The following SLC37A1 variants were observed in gnomAD, a reference collection of about 807,000 sequenced individuals.
SLC37A1 encodes solute carrier family 37 member 1.
Under a neutral mutation model 75.3 loss-of-function variants are expected in SLC37A1, and 49 were observed. The observed-to-expected ratio is 0.65, with a 90% CI of 0.52 to 0.83. The LOEUF (loss-of-function observed/expected upper bound fraction) is 0.83. Among genes scored for constraint, SLC37A1 ranks in the 40% least tolerant of loss-of-function variants. The probability of loss-of-function intolerance (pLI) is 0.00; values close to 1 mark genes in which losing one functional copy is unlikely to be tolerated. For synonymous variants in SLC37A1, 268 were observed against 292.1 expected (o/e 0.92, Z 0.84); for missense variants, 566 against 695.0 (o/e 0.81, Z 2.09).
At chr21:42,522,882 G>A (rs1444671856) in intron 2 of SLC37A1, among the ~76,000 whole-genome samples, 1 of 152,232 alleles carries the variant, frequency 6.6e-6, no homozygotes, top group Non-Finnish European at 1.5e-5. Flanking sequence ...GTGTTCTCAG[G>A]GCATCTCTAG....
At chr21:42,550,612 G>A (rs772494781) in intron 9 of SLC37A1, among the ~76,000 whole-genome samples, 33 of 147,668 alleles carry the variant, frequency 2.2e-4, no homozygotes, top group East Asian at 7.7e-4. Context: ...AGGTGTTATC[G>A]TAATAACAAA....
At chr21:42,529,820 G>T (rs2054899715) in intron 3 of SLC37A1, among the ~76,000 whole-genome samples, 1 of 152,158 alleles carries the variant, frequency 6.6e-6, no homozygotes, top group African/African-American at 2.4e-5. Flanking sequence ...ATTGCCCAGG[G>T]CAGTAAGCGC....
At chr21:42,565,178 C>G (rs982505054) in intron 14 of SLC37A1, among the ~76,000 whole-genome samples, 1 of 152,268 alleles carries the variant, frequency 6.6e-6, no homozygotes, top group African/African-American at 2.4e-5. Flanking sequence ...AGCTCCTGAC[C>G]TTGGGCTGTG....
chr21:42,519,257 C>T (rs1397268128), intron 2 of SLC37A1, among the ~76,000 whole-genome samples: 1 of 152,158 alleles, frequency 6.6e-6, no homozygotes, highest in African/African-American at 2.4e-5. Flanking sequence ...GAATTCTGGG[C>T]TTATGCACCG....
chr21:42,522,618 G>A (rs553026054), intron 2 of SLC37A1, among the ~76,000 whole-genome samples: 1 of 152,288 alleles, frequency 6.6e-6, no homozygotes, highest in South Asian at 2.1e-4. Flanking sequence ...GAGGAAAGAC[G>A]AATTTGGAAA....
In SLC37A1 at chr21:42,570,082, G is replaced by A. The variant is rs1474626546; in HGVS notation, c.1423+1644G>A. 3.8e-5 allele frequency among the ~76,000 whole-genome samples: 4 copies of A among 105,048 alleles called. No homozygotes were observed. The South Asian group carries it at 1.1e-3, about 28-fold the overall frequency. 68.9% of individuals were successfully genotyped at this position (105,048 alleles called of 152,430 possible). ...CAGGGTGGCCGTTGCCATGTCATGC[G>A]ACACACGGCCTGGTTCTGAGAAGTG... On this transcript the variant is annotated intron_variant, in intron 17 of 19. Transcript: ENST00000352133.
chr21:42,533,506 G>A (rs185121545), intron 3 of SLC37A1, among the ~76,000 whole-genome samples: 3 of 152,056 alleles, frequency 2.0e-5, no homozygotes, highest in East Asian at 1.9e-4. Context: ...CACATGTGGC[G>A]CTGTCCTGGA....
chr21:42,534,634 C>A, intron 3 of SLC37A1, 64 bp from the exon 4 acceptor site: 1 of 1,556,130 alleles, frequency 6.4e-7, no homozygotes, highest in Non-Finnish European at 8.7e-7. Context: ...CCTCTCTGTG[C>A]CCCATGCTGA....
intron 18 of SLC37A1, among the ~76,000 whole-genome samples, chr21:42,578,856 G>C (rs1287345628): frequency 1.3e-5 from 2 of 152,154 alleles, no homozygotes; most frequent in African/African-American, 2.4e-5. Flanking sequence ...GAGGCTTGGT[G>C]GTGGGGCCAT....
intron 1 of SLC37A1, chr21:42,499,867 C>G (rs8129819): frequency 0.47 from 71,771 of 152,398 alleles, 18,477 homozygotes; most frequent in African/African-American, 0.68. Context: ...TCTGCAGGGG[C>G]GCTGGTCAGG....
intron 10 of SLC37A1, among the ~76,000 whole-genome samples, chr21:42,555,757 G>T (rs1422633280): frequency 6.6e-6 from 1 of 152,110 alleles, no homozygotes; most frequent in African/African-American, 2.4e-5. Context: ...TTCCTTTTCC[G>T]GCCCTCTAAG....
rs1601671917 is a variant in SLC37A1 at position 42,523,305 on chromosome 21, G to A, written c.57-2471G>A. 2.0e-5 allele frequency among the ~76,000 whole-genome samples: 3 copies of A among 152,220 alleles called. No homozygotes were observed. The East Asian group carries it at 5.8e-4, about 29-fold the overall frequency. ...TGAGGAGATTGGAGAAGGAAACCCTGTACTCCAGTGAGGGCCGATCAGGGT... is the reference window on the plus strand; with the variant it reads ...TGAGGAGATTGGAGAAGGAAACCCTATACTCCAGTGAGGGCCGATCAGGGT... On this transcript the variant is annotated intron_variant, in intron 2 of 19. Transcript: ENST00000352133.
At chr21:42,540,411 A>G (rs228070) in intron 6 of SLC37A1, among the ~76,000 whole-genome samples, 90,067 of 151,978 alleles carry the variant, frequency 0.59, 27,283 homozygotes, top group Admixed American at 0.7. Flanking sequence ...TGGTTGGGTC[A>G]CAGTGAGAGG....
In SLC37A1 at chr21:42,547,051, G is replaced by T. The variant is rs746490687; in HGVS notation, c.731-52G>T. On this transcript the variant is annotated intron_variant, in intron 8 of 19. Transcript: ENST00000352133. This position sits in a 1 kb window ranked among gnomAD's most constrained non-coding sequence, Gnocchi z 6.1. ...GTCCTCGGGTTACGTAGCTTACTTG[G>T]CATTGCCATGGTGGTGGACCTGCTC... The T allele has an allele frequency of 6.2e-7, 1 of 1,612,862 alleles. No homozygotes were observed. Among genetic ancestry groups the T allele is most frequent in the Non-Finnish European group, 8.5e-7 (1 of 1,179,024 alleles).
At chr21:42,539,449 C>T (rs919934140) in intron 5 of SLC37A1, 63 bp from the exon 6 acceptor site, 40 of 1,539,656 alleles carry the variant, frequency 2.6e-5, no homozygotes, top group African/African-American at 2.8e-5. Flanking sequence ...GAAACAGCCA[C>T]GAGGTTGCTA....
intron 3 of SLC37A1, among the ~76,000 whole-genome samples, chr21:42,529,588 ATGAATG>A (rs1189479460): frequency 1.3e-5 from 2 of 152,256 alleles, no homozygotes; most frequent in African/African-American, 4.8e-5. Flanking sequence ...GATTAAAGAC[ATGAATG>A]TAAAATACAA....
chr21:42,542,073 A>C (rs919432675), intron 6 of SLC37A1, among the ~76,000 whole-genome samples: 2 of 152,124 alleles, frequency 1.3e-5, no homozygotes, highest in African/African-American at 2.4e-5. Flanking sequence ...TTCAAAAGAG[A>C]CCGGGAAGCT....
Position 42,545,992 on chromosome 21 carries a change from C to T in SLC37A1, c.731-1111C>T, listed in dbSNP as rs978476901. On this transcript the variant is annotated intron_variant, in intron 8 of 19. Transcript: ENST00000352133. The surrounding 1 kb of genome is among the most constrained non-coding windows in gnomAD (Gnocchi z 4.0). ...TGGCCTCGAGGCCAGCAGGAGTGTG[C>T]TCGGCAGCTGCATGTCCCTCTATGA... Among the ~76,000 whole-genome samples the T allele has an allele frequency of 6.6e-6, 1 of 152,248 alleles. No individual in the cohort carries two copies. Among genetic ancestry groups the T allele is most frequent in the Admixed American group, 6.5e-5 (1 of 15,294 alleles).
intron 2 of SLC37A1, among the ~76,000 whole-genome samples, chr21:42,523,563 G>A (rs191773228): frequency 8.5e-5 from 13 of 152,356 alleles, no homozygotes; most frequent in Middle Eastern, 3.4e-3. Context: ...TCAGAAACAC[G>A]AGGACAGAGG....
Sources: allele counts gnomAD v4.1 joint callset (sites outside exome capture counted in the v4.1 genomes callset), GRCh38; gene constraint gnomAD v4.1.1; non-coding constraint Gnocchi (gnomAD v3.1); transcripts MANE v1.5; gene names NCBI Gene and HGNC (gene_info 2026-07-23, HGNC 2026-07-21).